Variants in PSAP observed in about 807,000 individuals in gnomAD.
The protein encoded by PSAP is prosaposin.
PSAP carries 25 observed loss-of-function variants against 66.0 expected under a neutral mutation model. The observed-to-expected ratio is 0.38, with a 90% confidence interval of 0.28 to 0.53. The LOEUF (loss-of-function observed/expected upper bound fraction) is 0.53, where lower values mean the gene tolerates loss of function less well. Ranked by LOEUF, PSAP falls within the 20% of genes least tolerant of loss-of-function variation. The probability of loss-of-function intolerance (pLI) is 0.83; values close to 1 mark genes in which losing one functional copy is unlikely to be tolerated. For synonymous variants in PSAP, 273 were observed against 258.9 expected (o/e 1.05, Z -0.52); for missense variants, 649 against 668.8 (o/e 0.97, Z 0.33).
At chr10:71,843,394 T>C (rs1032466784) in intron 1 of PSAP, among the ~76,000 whole-genome samples, 2 of 152,064 alleles carry the variant, frequency 1.3e-5, no homozygotes, top group African/African-American at 4.8e-5. Flanking sequence ...GGAAGCCACA[T>C]GGCCCTCTGG....
chr10:71,843,639 G>A (rs1842769576), intron 1 of PSAP, among the ~76,000 whole-genome samples: 1 of 152,192 alleles, frequency 6.6e-6, no homozygotes, highest in Non-Finnish European at 1.5e-5. Context: ...TCACCTAGCA[G>A]TTTATTAGAC....
At chr10:71,849,073 A>C (rs975225379) in intron 1 of PSAP, among the ~76,000 whole-genome samples, 2 of 152,188 alleles carry the variant, frequency 1.3e-5, no homozygotes, top group African/African-American at 4.8e-5. Context: ...GTGAGGAGTG[A>C]CTCAACGTCA....
rs1457254996 is a variant in PSAP at position 71,851,210 on chromosome 10, G to A, written c.12C>T (p.Leu4=). Residue 4 remains leucine, a synonymous_variant, in exon 1 of 14, where the codon CTC becomes CTT. Transcript: ENST00000394936. ...CGCCCAGGAGGCTGGCCAGGAGGAA[G>A]AGGGCGTACATAGCGCCGTCTGACT... MYA[L]FLLASLLGAA... is the part of the protein sequence containing the mutation. The A allele has an allele frequency of 7.7e-6, 12 of 1,551,040 alleles. No individual in the cohort carries two copies. The highest frequency in any genetic ancestry group is 4.8e-5 in the South Asian group (4 of 84,068).
chr10:71,819,425 T>C, intron 11 of PSAP, 40 bp downstream of exon 11: 1 of 1,612,220 alleles, frequency 6.2e-7, no homozygotes, highest in African/African-American at 1.3e-5. Context: ...TTCATCAGGT[T>C]CTGCCATGCT....
intron 1 of PSAP, among the ~76,000 whole-genome samples, chr10:71,843,135 G>A (rs1296468206): frequency 6.6e-6 from 1 of 152,224 alleles, no homozygotes; most frequent in South Asian, 2.1e-4. Context: ...CATCAGTGGG[G>A]AACTCTGATA....
Position 71,831,856 on chromosome 10 carries a change from T to C in PSAP, c.239A>G (p.Asn80Ser), listed in dbSNP as rs570654892. ...CTCACCGCCGCTCACCTCAGTGGCA[T>C]TGTCCTTCAGCATATCACCAGCTGC... Reference protein sequence around the residue: ...VTAAGDMLKDNATEEEILVYL... With the variant: ...VTAAGDMLKDSATEEEILVYL... Residue 80 changes from asparagine (N) to serine (S), a missense_variant, in exon 3 of 14, where the codon AAT becomes AGT. Physicochemically the swap from Asn to Ser is conservative, Grantham distance 46 (BLOSUM62 1). Coordinates refer to ENST00000394936, the MANE Select transcript of PSAP (RefSeq NM_002778.4). 8.7e-6 allele frequency: 14 copies of C among 1,613,984 alleles called. No homozygotes were observed. Among genetic ancestry groups the C allele is most frequent in the Middle Eastern group, 1.7e-4 (1 of 6,058 alleles).
rs375933854 is a variant in PSAP, at chr10:71,825,437, C to T, written c.777+400G>A. On this transcript the variant is annotated intron_variant, in intron 7 of 13. Coordinates refer to ENST00000394936, the MANE Select transcript of PSAP (RefSeq NM_002778.4). ...AGCTTCAGCGGACGCTGCTGCCATG[C>T]ACGGGACAAACTCCGGGAGGCAGTA... 4.4e-4 allele frequency among the ~76,000 whole-genome samples: 67 copies of T among 152,372 alleles called. 1 individual carries two copies. In the South Asian group the frequency reaches 0.011, roughly 24 times the overall value.
At chr10:71,828,281 G>A (rs1313032692) in intron 5 of PSAP, 124 bp from the exon 6 acceptor site, 16 of 990,258 alleles carry the variant, frequency 1.6e-5, no homozygotes, top group Non-Finnish European at 2.6e-5. Context: ...TGCTTTACAG[G>A]CTCTCAAATT....
intron 6 of PSAP, 28 bp downstream of exon 6, chr10:71,827,985 TC>T: frequency 6.2e-7 from 1 of 1,613,704 alleles, no homozygotes; most frequent in Non-Finnish European, 8.5e-7. Flanking sequence ...GCCCAGAACA[TC>T]CCCAATGCAC....
rs551880248 is a variant in PSAP at position 71,816,761 on chromosome 10, C to G, written c.*680G>C. On this transcript the variant is annotated 3_prime_UTR_variant, in exon 14 of 14. Transcript: ENST00000394936. ...TTCAGGCAGATGGCCCTCTTCCCACCCAAACCCACAGAACCCCAAACAAGG... is the reference window on the plus strand; with the variant it reads ...TTCAGGCAGATGGCCCTCTTCCCACGCAAACCCACAGAACCCCAAACAAGG... The G allele has an allele frequency of 4.4e-6, 1 of 225,966 alleles. No individual in the cohort carries two copies. Among genetic ancestry groups the G allele is most frequent in the South Asian group, 5.6e-5 (1 of 17,708 alleles). 14.0% of individuals were successfully genotyped at this position (225,966 alleles called of 1,614,324 possible).
At position 71,819,456 on chromosome 10, in the gene PSAP, G is replaced by A. The variant is rs747430592; in HGVS notation, c.1350+9C>T. On this transcript the variant is annotated intron_variant, in intron 11 of 13. Transcript: ENST00000394936. ...ATGCTGGCCTACCGCAGCCCAGCCC[G>A]GGGCGTACCTGCTTCTGGTAAGGGT... is the stretch of plus-strand genomic sequence containing the variant. 2.9e-5 allele frequency: 46 copies of A among 1,613,802 alleles called. No homozygotes were observed. Among genetic ancestry groups the A allele is most frequent in the East Asian group, 2.7e-4 (12 of 44,868 alleles).
At position 71,828,140 on chromosome 10, in the gene PSAP, G is replaced by A. The variant is rs1383574711; in HGVS notation, c.594C>T (p.Cys198=). The change falls in exon 6 of 14, where the codon TGC becomes TGT. Residue 198 remains cysteine (C), a synonymous_variant. Coordinates refer to ENST00000394936, the MANE Select transcript of PSAP (RefSeq NM_002778.4). ...KPQPKDNGDV[C]QDCIQMVTDI... ...CAGTCACCATCTGAATGCAGTCCTG[G>A]CAAACGTCCCCATTATCCTACAGAA... is the stretch of plus-strand genomic sequence containing the variant. The A allele has an allele frequency of 4.3e-6, 7 of 1,614,128 alleles. No homozygotes were observed. Among genetic ancestry groups the A allele is most frequent in the Middle Eastern group, 1.6e-4 (1 of 6,062 alleles).
intron 6 of PSAP, 64 bp downstream of exon 6, chr10:71,827,950 C>A: frequency 3.1e-6 from 5 of 1,606,262 alleles, no homozygotes; most frequent in Non-Finnish European, 4.3e-6. Flanking sequence ...ACGCCCTACT[C>A]CAGCCTCCAC....
chr10:71,850,461 G>GAACCAAACC lies in PSAP; in HGVS notation c.40+712_40+720dup, dbSNP rs557175004. ...CCGCTTTGAGTTGTTTCGCCCTTCT[G>GAACCAAACC]AACCAAACCAACGTATTTCTTAAAT... On this transcript the variant is annotated intron_variant, in intron 1 of 13. Coordinates refer to ENST00000394936, the MANE Select transcript of PSAP (RefSeq NM_002778.4). Among the ~76,000 whole-genome samples the GAACCAAACC allele has an allele frequency of 2.4e-3, 359 of 152,212 alleles. 2 individuals carry two copies. Among genetic ancestry groups the GAACCAAACC allele is most frequent in the African/African-American group, 8.2e-3 (342 of 41,530 alleles).
chr10:71,818,685 C>T lies in PSAP; in HGVS notation c.1471G>A (p.Gly491Arg), dbSNP rs1410331003. Residue 491 changes from glycine to arginine, a missense_variant, in exon 13 of 14, where the codon GGA becomes AGA. Gly to Arg is a moderately radical substitution (Grantham distance 125). Transcript: ENST00000394936. ...GGGCCCCATATACACTTCTCAGTTC[C>T]CAACAAGGGCTTATGGGCCGAGGGG... is the stretch of plus-strand genomic sequence containing the variant. The part of the protein sequence containing the change: ...ACPSAHKPLL[G>R]TEKCIWGPSY... The T allele has an allele frequency of 1.9e-6, 3 of 1,614,176 alleles. No homozygotes were observed. The highest frequency in any genetic ancestry group is 2.5e-6 in the Non-Finnish European group (3 of 1,180,038).
rs910857349 is a variant in PSAP at position 71,816,304 on chromosome 10, T to C, written c.*1137A>G. ...CAGAAACATTAGGCCCAGATCTGGC[T>C]AACAGAATTTTATTGTTAAATCACA... On this transcript the variant is annotated 3_prime_UTR_variant, in exon 14 of 14. Coordinates refer to ENST00000394936, the MANE Select transcript of PSAP (RefSeq NM_002778.4). The C allele has an allele frequency of 2.2e-6, 1 of 454,838 alleles. No individual in the cohort carries two copies. Among genetic ancestry groups the C allele is most frequent in the African/African-American group, 2.0e-5 (1 of 49,808 alleles). 28.2% of individuals were successfully genotyped at this position (454,838 alleles called of 1,614,324 possible). A position where few individuals can be genotyped will look rare whatever the true frequency, so the allele number is the denominator to read the frequency against.
At position 71,828,030 on chromosome 10, in the gene PSAP, G is replaced by A; in HGVS notation, c.704C>T (p.Pro235Leu). 2 of 1,614,198 alleles carry A rather than the reference G, an allele frequency of 1.2e-6. No homozygotes were observed. Among genetic ancestry groups the A allele is most frequent in the Non-Finnish European group, 1.7e-6 (2 of 1,180,034 alleles). ...AAGGCTCACTATGTCGGCCATGCCAGGGCCCAGGCGGTCACACTCCTCCTT... is the reference window on the plus strand; with the variant it reads ...AAGGCTCACTATGTCGGCCATGCCAAGGCCCAGGCGGTCACACTCCTCCTT... The part of the protein sequence containing the change: ...HVKEECDRLG[P>L]GMADICKNYI... The change falls in exon 6 of 14, where the codon CCT becomes CTT. Residue 235 changes from proline (P) to leucine (L), a missense_variant. Physicochemically the swap from Pro to Leu is moderately conservative, Grantham distance 98. Coordinates refer to ENST00000394936, the MANE Select transcript of PSAP (RefSeq NM_002778.4).
At chr10:71,847,394 G>C (rs1842841780) in intron 1 of PSAP, among the ~76,000 whole-genome samples, 1 of 152,128 alleles carries the variant, frequency 6.6e-6, no homozygotes, top group African/African-American at 2.4e-5. Flanking sequence ...TATACCAGAG[G>C]TGGATTTTAT....
In PSAP at chr10:71,829,220, C is replaced by T. The variant is rs544743795; in HGVS notation, c.376-143G>A. On this transcript the variant is annotated intron_variant, in intron 4 of 13. Coordinates refer to ENST00000394936, the MANE Select transcript of PSAP (RefSeq NM_002778.4). ...TGTTGTCTAAATTCAAACTGCTCAG[C>T]ATACCAAGAATGACAAAATTACCCA... 2.0e-5 allele frequency: 17 copies of T among 864,192 alleles called. No homozygotes were observed. In the South Asian group the frequency reaches 2.4e-4, roughly 12 times the overall value. The allele number at this position is 864,192 out of a possible 1,614,324, so 53.5% of individuals were successfully genotyped here.
Sources: gnomAD v4.1 joint callset for allele counts (sites outside exome capture counted in the v4.1 genomes callset) on GRCh38, gnomAD v4.1.1 for gene constraint, MANE v1.5 for transcripts, NCBI Gene and HGNC (gene_info 2026-07-23, HGNC 2026-07-21) for gene names.